ERBIN: variants seen among roughly 807,000 people sequenced by gnomAD.
ERBIN encodes the protein erbb2 interacting protein.
ERBIN carries 60 observed loss-of-function variants against 158.4 expected under a neutral mutation model. The ratio of observed to expected loss-of-function variants is 0.38; its 90% confidence interval spans 0.31 to 0.47. The LOEUF (loss-of-function observed/expected upper bound fraction) is 0.47. Among genes scored for constraint, ERBIN ranks in the 20% least tolerant of loss-of-function variants. The probability of loss-of-function intolerance (pLI) is 0.99; values close to 1 mark genes in which losing one functional copy is unlikely to be tolerated. For missense variants in ERBIN, 1,610 were observed against 1,648.0 expected (o/e 0.98, Z 0.40); for synonymous variants, 594 against 557.2 (o/e 1.07, Z -0.93).
At chr5:66,055,960 T>TTCTCA (rs1759536384) in intron 21 of ERBIN, among the ~76,000 whole-genome samples, 2 of 152,216 alleles carry the variant, frequency 1.3e-5, no homozygotes, top group African/African-American at 4.8e-5. Context: ...GGCTACTTCA[T>TTCTCA]TCTCATCTAT....
chr5:65,929,316 A>C (rs1743068076), intron 1 of ERBIN, among the ~76,000 whole-genome samples: 1 of 152,342 alleles, frequency 6.6e-6, no homozygotes, highest in Middle Eastern at 3.4e-3. Flanking sequence ...GTATATTTCA[A>C]AATTACTTAT....
chr5:65,963,105 TA>T (rs1748099174), intron 1 of ERBIN, among the ~76,000 whole-genome samples: 1 of 152,224 alleles, frequency 6.6e-6, no homozygotes, highest in Non-Finnish European at 1.5e-5. Context: ...TTTTAAAAGG[TA>T]AATTTTTGAT....
chr5:65,968,620 G>T (rs979195900), intron 1 of ERBIN, among the ~76,000 whole-genome samples: 1 of 152,108 alleles, frequency 6.6e-6, no homozygotes, highest in African/African-American at 2.4e-5. Context: ...GAGTGCAGTG[G>T]CCCGATCTTG....
At chr5:65,929,024 A>G (rs1383806240) in intron 1 of ERBIN, among the ~76,000 whole-genome samples, 1 of 152,186 alleles carries the variant, frequency 6.6e-6, no homozygotes, top group African/African-American at 2.4e-5. Context: ...GTAATCATGA[A>G]TTTTCAGGAC....
At position 66,080,832 on chromosome 5, in the gene ERBIN, C is replaced by T. The variant is rs1381479790; in HGVS notation, c.*2302C>T. 1.3e-5 allele frequency: 2 copies of T among 151,960 alleles called. No homozygotes were observed. Among genetic ancestry groups the T allele is most frequent in the African/African-American group, 2.4e-5 (1 of 41,412 alleles). The allele number at this position is 151,960 out of a possible 1,614,324, so 9.4% of individuals were successfully genotyped here. ...ATATGCACTGGCATTTTATCCTACT[C>T]TAGTTAGTTAAAATTTTATAGTATT... On this transcript the variant is annotated 3_prime_UTR_variant, in exon 26 of 26. Coordinates refer to ENST00000284037, the MANE Select transcript of ERBIN (RefSeq NM_001253697.2).
intron 18 of ERBIN, among the ~76,000 whole-genome samples, chr5:66,047,716 A>C (rs1758583379): frequency 6.6e-6 from 1 of 152,036 alleles, no homozygotes; most frequent in African/African-American, 2.4e-5. Flanking sequence ...TGTCATTTAC[A>C]ACAGGAATAA....
chr5:66,006,546 A>T (rs1753621659), intron 4 of ERBIN, among the ~76,000 whole-genome samples: 1 of 152,166 alleles, frequency 6.6e-6, no homozygotes, highest in Admixed American at 6.5e-5. Flanking sequence ...GACAAATGGG[A>T]TCTAATTAAA....
chr5:65,968,701 C>A (rs1218236649), intron 1 of ERBIN, among the ~76,000 whole-genome samples: 1 of 152,110 alleles, frequency 6.6e-6, no homozygotes, highest in Non-Finnish European at 1.5e-5. Flanking sequence ...GCTGGGACTA[C>A]AAGCGCCTGC....
At chr5:66,026,655 A>G (rs939034919) in intron 13 of ERBIN, among the ~76,000 whole-genome samples, 8 of 151,992 alleles carry the variant, frequency 5.3e-5, no homozygotes, top group African/African-American at 1.4e-4. Flanking sequence ...AGAACCTGCC[A>G]TACACAGTTT....
chr5:66,014,581 TG>T, intron 6 of ERBIN, 87 bp from the exon 7 acceptor site: 1 of 623,344 alleles, frequency 1.6e-6, no homozygotes, highest in Non-Finnish European at 2.7e-6. Flanking sequence ...ACAATTACAT[TG>T]CTTCCTTTAA....
At chr5:65,939,332 G>A (rs1176466709) in intron 1 of ERBIN, among the ~76,000 whole-genome samples, 1 of 152,072 alleles carries the variant, frequency 6.6e-6, no homozygotes. Context: ...AGCTACTTGG[G>A]AGGCTGAGGC....
At chr5:65,935,679 G>C (rs990711297) in intron 1 of ERBIN, among the ~76,000 whole-genome samples, 5 of 152,138 alleles carry the variant, frequency 3.3e-5, no homozygotes, top group African/African-American at 1.2e-4. Flanking sequence ...GGAGATAATT[G>C]CTCAATTTCA....
intron 1 of ERBIN, among the ~76,000 whole-genome samples, chr5:65,981,068 G>C (rs1024647518): frequency 3.9e-5 from 6 of 152,136 alleles, no homozygotes; most frequent in African/African-American, 1.4e-4. Flanking sequence ...TATTTCAAAG[G>C]CTTGAAATGA....
chr5:66,064,333 A>G (rs916099804), intron 21 of ERBIN, among the ~76,000 whole-genome samples: 1 of 152,224 alleles, frequency 6.6e-6, no homozygotes, highest in African/African-American at 2.4e-5. Context: ...TGAATATTAG[A>G]AAGTCATAAT....
chr5:66,027,280 T>A (rs1756370803), intron 13 of ERBIN, among the ~76,000 whole-genome samples: 1 of 151,822 alleles, frequency 6.6e-6, no homozygotes, highest in Non-Finnish European at 1.5e-5. Context: ...AACTTCTGTT[T>A]TATTTAAAAG....
intron 7 of ERBIN, among the ~76,000 whole-genome samples, chr5:66,017,763 T>C (rs560730609): frequency 6.6e-6 from 1 of 152,194 alleles, no homozygotes; most frequent in Non-Finnish European, 1.5e-5. Flanking sequence ...CCTTGATATT[T>C]ATATTGAGAA....
intron 4 of ERBIN, among the ~76,000 whole-genome samples, chr5:66,011,534 A>C (rs1477369912): frequency 1.3e-5 from 2 of 152,136 alleles, no homozygotes; most frequent in African/African-American, 4.8e-5. Context: ...CTGAAATACA[A>C]AAATTAGCTG....
chr5:66,019,944 T>C (rs948543629), intron 7 of ERBIN, among the ~76,000 whole-genome samples: 12 of 152,140 alleles, frequency 7.9e-5, no homozygotes, highest in African/African-American at 2.7e-4. Context: ...CCACCTGGTA[T>C]AGTTATTTGA....
At chr5:66,016,527 C>T (rs886202339) in intron 7 of ERBIN, among the ~76,000 whole-genome samples, 4 of 151,764 alleles carry the variant, frequency 2.6e-5, no homozygotes, top group Admixed American at 1.3e-4. Context: ...GTAATAAATA[C>T]ATTTATATTC....
Sources: gnomAD v4.1 joint callset for allele counts (sites outside exome capture counted in the v4.1 genomes callset) on GRCh38, gnomAD v4.1.1 for gene constraint, MANE v1.5 for transcripts, NCBI Gene and HGNC (gene_info 2026-07-23, HGNC 2026-07-21) for gene names.